THUMPD2: variants seen among roughly 807,000 people sequenced by gnomAD.
THUMPD2 encodes the protein THUMP domain 2 tRNA and snRNA guanosine methyltransferase, also known as U6 snRNA (guanine-N(2))-methyltransferase THUMPD2.
A neutral mutation model predicts 49.4 loss-of-function variants in THUMPD2; 56 were observed. That is an observed-to-expected ratio of 1.13 (90% CI 0.91 to 1.41). THUMPD2 has a LOEUF of 1.41. Among genes scored for constraint, THUMPD2 ranks in the 40% most tolerant of loss-of-function variants. The probability of loss-of-function intolerance (pLI) is 0.00; values close to 1 mark genes in which losing one functional copy is unlikely to be tolerated. For missense variants in THUMPD2, 709 were observed against 594.5 expected (o/e 1.19, Z -2.00); for synonymous variants, 237 against 205.2 (o/e 1.15, Z -1.32).
In THUMPD2 at chr2:39,755,354, T is replaced by C. The variant is rs1239311084; in HGVS notation, c.1019A>G (p.Asp340Gly). Residue 340 changes from aspartate to glycine, a missense_variant, in exon 8 of 10, where the codon GAC (aspartate) becomes GGC (glycine). Asp to Gly is a moderately conservative substitution (Grantham distance 94). Coordinates refer to ENST00000505747, the MANE Select transcript of THUMPD2 (RefSeq NM_025264.5). ...CTCAAGGCCTGCAGCTTTCAGATTG[T>C]CCCAAGTACCTAGTAACTGTGAGTC... The part of the protein sequence containing the change: ...VSDSQLLGTW[D>G]NLKAAGLEDK... 2 of 1,552,320 alleles carry C rather than the reference T, an allele frequency of 1.3e-6. No individual in the cohort carries two copies. The highest frequency in any genetic ancestry group is 5.0e-5 in the East Asian group (2 of 40,350).
At position 39,766,125 on chromosome 2, in the gene THUMPD2, C is replaced by T. The variant is rs769780554; in HGVS notation, c.751-16G>A. ...GTATAAAGATCTGAAAGAACAAACA[C>T]AGAAGTTAGAATGGAACAAGAAACT... On this transcript the variant is annotated splice_polypyrimidine_tract_variant and intron_variant, in intron 4 of 9. Transcript: ENST00000505747. 5.2e-6 allele frequency: 8 copies of T among 1,548,562 alleles called. No individual in the cohort carries two copies. The South Asian group carries it at 8.7e-5, about 17-fold the overall frequency.
chr2:39,748,450 C>A (rs1049687650), intron 8 of THUMPD2, among the ~76,000 whole-genome samples: 2 of 152,130 alleles, frequency 1.3e-5, no homozygotes, highest in Admixed American at 6.5e-5. Flanking sequence ...CGCCTGTAAT[C>A]CCAGCACTTT....
chr2:39,770,090 TAA>T lies in THUMPD2; in HGVS notation c.290_291del (p.Leu97HisfsTer3). ...AACCAACTTCCTGGATCTTCATTTA[TAA>T]GTCTTTGCATTTCATTAAATATTTT... is the stretch of plus-strand genomic sequence containing the variant. ...KGKIFNEMQR[L>X]INEDPGSWLN... On this transcript the variant is annotated frameshift_variant, in exon 3 of 10. Coordinates refer to ENST00000505747, the MANE Select transcript of THUMPD2 (RefSeq NM_025264.5). LOFTEE classifies it high-confidence loss of function. The T allele has an allele frequency of 6.5e-7, 1 of 1,530,004 alleles. No individual in the cohort carries two copies. Among genetic ancestry groups the T allele is most frequent in the Non-Finnish European group, 8.7e-7 (1 of 1,150,842 alleles). 94.8% of individuals were successfully genotyped at this position (1,530,004 alleles called of 1,614,324 possible).
At chr2:39,739,397 C>A (rs917963) in intron 9 of THUMPD2, among the ~76,000 whole-genome samples, 63,529 of 151,976 alleles carry the variant, frequency 0.42, 14,432 homozygotes, top group East Asian at 0.74. Flanking sequence ...TCACTCACGC[C>A]CCACAGTCAA....
intron 3 of THUMPD2, chr2:39,769,233 G>T: frequency 2.3e-6 from 1 of 425,672 alleles, no homozygotes; most frequent in Non-Finnish European, 4.1e-6. Context: ...GTATAAGAAA[G>T]TCATTACTTG....
At chr2:39,774,099 T>C (rs1335275185) in intron 1 of THUMPD2, among the ~76,000 whole-genome samples, 1 of 152,170 alleles carries the variant, frequency 6.6e-6, no homozygotes, top group Non-Finnish European at 1.5e-5. Context: ...CCAGTGCAAG[T>C]AAATGTGGGT....
chr2:39,762,608 G>C (rs975431548), intron 5 of THUMPD2, among the ~76,000 whole-genome samples: 14 of 151,704 alleles, frequency 9.2e-5, no homozygotes, highest in African/African-American at 3.1e-4. Context: ...TGGAATGAGG[G>C]ATGTAAACTG....
intron 9 of THUMPD2, among the ~76,000 whole-genome samples, chr2:39,737,284 G>T (rs112394350): frequency 1.5e-5 from 2 of 133,634 alleles, no homozygotes; most frequent in African/African-American, 5.6e-5. Flanking sequence ...TTACTCAAAA[G>T]GCAAGCCTCA....
At chr2:39,768,544 A>T (rs1191340557) in intron 3 of THUMPD2, 43 bp from the exon 4 acceptor site, 1 of 1,516,472 alleles carries the variant, frequency 6.6e-7, no homozygotes, top group South Asian at 1.2e-5. Context: ...TAAAAATGAA[A>T]ATTTTAAGTT....
intron 9 of THUMPD2, among the ~76,000 whole-genome samples, chr2:39,738,345 T>C (rs1466011548): frequency 6.6e-6 from 1 of 152,108 alleles, no homozygotes; most frequent in African/African-American, 2.4e-5. Context: ...GGAGGATCGC[T>C]TGAGCACAGG....
intron 4 of THUMPD2, among the ~76,000 whole-genome samples, chr2:39,767,603 C>CAA (rs57906396): frequency 0.033 from 2,241 of 67,784 alleles, 295 homozygotes; most frequent in African/African-American, 0.16. Context: ...GACTCCGTCT[C>CAA]AAAAAAAAAA....
intron 9 of THUMPD2, among the ~76,000 whole-genome samples, chr2:39,743,513 G>T (rs1251047296): frequency 6.6e-6 from 1 of 152,134 alleles, no homozygotes; most frequent in African/African-American, 2.4e-5. Flanking sequence ...GTTGGAGATG[G>T]GGCCTAATGG....
chr2:39,755,216 G>A, intron 8 of THUMPD2, 79 bp downstream of exon 8: 3 of 985,884 alleles, frequency 3.0e-6, no homozygotes, highest in African/African-American at 1.8e-5. Context: ...TTTACATAGT[G>A]AGACTTGTTT....
intron 6 of THUMPD2, 93 bp from the exon 7 acceptor site, chr2:39,756,053 G>C (rs957160523): frequency 6.3e-5 from 75 of 1,189,272 alleles, no homozygotes; most frequent in Non-Finnish European, 9.0e-5. Context: ...TATTTCAAGA[G>C]GAAAGATTAC....
chr2:39,779,276 T>G (rs1265213930), upstream of THUMPD2: 15 of 1,364,960 alleles, frequency 1.1e-5, no homozygotes, highest in South Asian at 1.4e-5. Flanking sequence ...TCGGGTCACG[T>G]GGCCTCGGGC....
chr2:39,771,695 T>C, intron 1 of THUMPD2, 55 bp from the exon 2 acceptor site: 1 of 1,535,068 alleles, frequency 6.5e-7, no homozygotes, highest in Non-Finnish European at 8.8e-7. Context: ...AAAAACCATA[T>C]TTTTTCCCTC....
intron 9 of THUMPD2, among the ~76,000 whole-genome samples, chr2:39,739,560 C>T (rs72936085): frequency 0.027 from 4,139 of 152,294 alleles, 182 homozygotes; most frequent in African/African-American, 0.093. Flanking sequence ...AACCATCTGT[C>T]TTCTCACAAT....
intron 8 of THUMPD2, among the ~76,000 whole-genome samples, chr2:39,746,602 C>G (rs1674626900): frequency 6.6e-6 from 1 of 152,042 alleles, no homozygotes; most frequent in Non-Finnish European, 1.5e-5. Context: ...TAAAAATCAT[C>G]TTTTTACATC....
At chr2:39,740,255 T>C (rs1673719698) in intron 9 of THUMPD2, among the ~76,000 whole-genome samples, 1 of 152,212 alleles carries the variant, frequency 6.6e-6, no homozygotes, top group Non-Finnish European at 1.5e-5. Flanking sequence ...TATCTAAATA[T>C]TCATCCATAA....
Sources: gnomAD v4.1 joint callset for allele counts (sites outside exome capture counted in the v4.1 genomes callset) on GRCh38, gnomAD v4.1.1 for gene constraint, MANE v1.5 for transcripts, NCBI Gene and HGNC (gene_info 2026-07-23, HGNC 2026-07-21) for gene names.